SPECC1: variants seen among roughly 807,000 people sequenced by gnomAD.
The protein encoded by SPECC1 is sperm antigen with calponin homology and coiled-coil domains 1, also known as cytospin-B.
A neutral mutation model predicts 104.1 loss-of-function variants in SPECC1; 62 were observed. The observed-to-expected ratio is 0.60, with a 90% CI of 0.49 to 0.74. The LOEUF (loss-of-function observed/expected upper bound fraction) is 0.74. Ranked by LOEUF, SPECC1 falls within the 30% of genes least tolerant of loss-of-function variation. The probability of loss-of-function intolerance (pLI) is 0.00; values close to 1 mark genes in which losing one functional copy is unlikely to be tolerated. For synonymous variants in SPECC1, 513 were observed against 501.6 expected, an observed-to-expected ratio of 1.02 and a Z score of -0.30; for missense variants, 1,306 against 1,310.5, an observed-to-expected ratio of 1.00 and a Z score of 0.05.
chr17:20,216,369 G>C (rs2037490421), intron 4 of SPECC1, among the ~76,000 whole-genome samples: 1 of 152,172 alleles, frequency 6.6e-6, no homozygotes, highest in Admixed American at 6.5e-5. Context: ...CTAATTCTTT[G>C]ATCCAAGCTT....
At chr17:20,136,903 A>G (rs1337654537) in intron 3 of SPECC1, among the ~76,000 whole-genome samples, 1 of 152,108 alleles carries the variant, frequency 6.6e-6, no homozygotes, top group Non-Finnish European at 1.5e-5. Flanking sequence ...GGGCCAGGAT[A>G]TTTACATTCA....
intron 4 of SPECC1, among the ~76,000 whole-genome samples, chr17:20,225,529 G>C (rs989445795): frequency 6.6e-6 from 1 of 152,162 alleles, no homozygotes; most frequent in East Asian, 1.9e-4. Context: ...GCTTTCTGCT[G>C]TGATGGGACA....
chr17:20,273,258 T>G (rs898283109), intron 12 of SPECC1, among the ~76,000 whole-genome samples: 1 of 151,788 alleles, frequency 6.6e-6, no homozygotes, highest in Admixed American at 6.6e-5. Context: ...CCGAGGTGGG[T>G]GGATTGCTTG....
chr17:20,302,767 AC>A (rs1434035533), intron 13 of SPECC1, among the ~76,000 whole-genome samples: 1 of 96 alleles, frequency 0.01, no homozygotes, highest in African/African-American at 0.05. Flanking sequence ...CTGTGAAAAC[AC>A]AGCGGTGCCA....
chr17:20,223,177 G>A (rs940493157), intron 4 of SPECC1, among the ~76,000 whole-genome samples: 1 of 151,240 alleles, frequency 6.6e-6, no homozygotes, highest in African/African-American at 2.4e-5. Flanking sequence ...TACTAGATTT[G>A]CGCTTTTTTT....
rs201602280 is a variant in SPECC1, at chr17:20,204,487, C to G, written c.438C>G (p.His146Gln). The G allele has an allele frequency of 2.5e-6, 4 of 1,614,096 alleles. No homozygotes were observed. ...CCAACACTCCCACTCCTACGAAACA[C>G]CTGAGGACCCCTTCCACAAAGCCCA... ...TSSNTPTPTKHLRTPSTKPKQ... is the reference protein window; with the variant it reads ...TSSNTPTPTKQLRTPSTKPKQ... Residue 146 changes from histidine (H) to glutamine (Q), a missense_variant, in exon 4 of 15, where the codon CAC becomes CAG. By Grantham distance (24) the His-to-Gln change is conservative. Around this residue, in one of 2 missense-constraint regions of SPECC1, gnomAD observed 1,177 missense variants for 1,139.9 expected, o/e 1.03. Transcript: ENST00000395527.
At chr17:20,218,665 A>T (rs180922661) in intron 4 of SPECC1, among the ~76,000 whole-genome samples, 2 of 151,778 alleles carry the variant, frequency 1.3e-5, no homozygotes, top group Admixed American at 1.3e-4. Context: ...ATGGGTACAT[A>T]GTAGGTATAT....
At chr17:20,178,381 T>G (rs1249091155) in intron 3 of SPECC1, among the ~76,000 whole-genome samples, 1 of 152,180 alleles carries the variant, frequency 6.6e-6, no homozygotes, top group African/African-American at 2.4e-5. Context: ...ACTTCTGTGT[T>G]TTTCTCTGTG....
chr17:20,018,299 C>T (rs892020538), intron 1 of SPECC1, among the ~76,000 whole-genome samples: 1 of 152,190 alleles, frequency 6.6e-6, no homozygotes, highest in Non-Finnish European at 1.5e-5. Context: ...GCCATCGGCA[C>T]TCTTGTTTTC....
intron 3 of SPECC1, among the ~76,000 whole-genome samples, chr17:20,175,635 G>T (rs915950037): frequency 6.6e-6 from 1 of 152,206 alleles, no homozygotes; most frequent in African/African-American, 2.4e-5. Flanking sequence ...TTTTAACAAA[G>T]ATGTTTTTCT....
chr17:20,156,227 C>T (rs898270160), intron 3 of SPECC1: 1 of 1,406,608 alleles, frequency 7.1e-7, no homozygotes, highest in African/African-American at 1.5e-5. Flanking sequence ...GCCCGAGGAT[C>T]CGGAACCAGG....
At chr17:20,061,589 C>T (rs1158716016) in intron 1 of SPECC1, among the ~76,000 whole-genome samples, 2 of 152,130 alleles carry the variant, frequency 1.3e-5, no homozygotes, top group Admixed American at 1.3e-4. Context: ...CAAGTAAATC[C>T]CCTAGTTGAT....
At chr17:20,051,068 T>TTTTCTTTCTTTTTCTTTC in intron 1 of SPECC1, among the ~76,000 whole-genome samples, 1 of 90,772 alleles carries the variant, frequency 1.1e-5, no homozygotes, top group South Asian at 4.1e-4. Context: ...CTTTCTTTCT[T>TTTTCTTTCTTTTTCTTTC]TTTCTTTCTT....
At chr17:20,023,183 G>A (rs2044463463) in intron 1 of SPECC1, among the ~76,000 whole-genome samples, 1 of 152,184 alleles carries the variant, frequency 6.6e-6, no homozygotes, top group South Asian at 2.1e-4. Flanking sequence ...TGCTCCTGTA[G>A]TGTGAAAGCT....
chr17:20,305,251 G>C (rs1169063647), intron 13 of SPECC1, among the ~76,000 whole-genome samples: 1 of 152,156 alleles, frequency 6.6e-6, no homozygotes, highest in Non-Finnish European at 1.5e-5. Flanking sequence ...AAGGTTCTCA[G>C]CTGTGACAAT....
At chr17:20,099,372 T>C (rs1346845093) in intron 2 of SPECC1, among the ~76,000 whole-genome samples, 3 of 151,904 alleles carry the variant, frequency 2.0e-5, no homozygotes, top group Non-Finnish European at 4.4e-5. Context: ...TACGGAAATA[T>C]TTTTAAAAGC....
intron 13 of SPECC1, among the ~76,000 whole-genome samples, chr17:20,304,579 G>A (rs1322090064): frequency 6.6e-6 from 1 of 152,072 alleles, no homozygotes; most frequent in Non-Finnish European, 1.5e-5. Context: ...CAGATTCCCT[G>A]TCCAGCCAGC....
intron 2 of SPECC1, among the ~76,000 whole-genome samples, chr17:20,109,442 T>C (rs1028612392): frequency 5.9e-5 from 9 of 152,224 alleles, no homozygotes; most frequent in African/African-American, 2.2e-4. Context: ...TCAGTTGTGG[T>C]TTTTCTCATT....
chr17:20,155,204 A>T (rs1436434784), intron 3 of SPECC1: 1 of 152,286 alleles, frequency 6.6e-6, no homozygotes, highest in Non-Finnish European at 1.5e-5. Context: ...CTTCTAGGGG[A>T]GTGAGCAGAA....
Sources: gnomAD v4.1 joint callset for allele counts (sites outside exome capture counted in the v4.1 genomes callset) on GRCh38, gnomAD v4.1.1 for gene constraint, gnomAD v4.1.1 regional missense constraint, MANE v1.5 for transcripts, NCBI Gene and HGNC (gene_info 2026-07-23, HGNC 2026-07-21) for gene names.